The following CRACD variants were observed in gnomAD, a reference collection of about 807,000 sequenced individuals.
CRACD encodes the protein capping protein inhibiting regulator of actin dynamics.
CRACD carries 56 observed loss-of-function variants against 106.8 expected under a neutral mutation model. The observed-to-expected ratio is 0.52, with a 90% CI of 0.42 to 0.66. The LOEUF is 0.66. CRACD is among the 30% of genes least tolerant of loss of function. The pLI is 0.00. For synonymous variants in CRACD, 754 were observed against 670.8 expected (o/e 1.12, Z -1.92); for missense variants, 1,730 against 1,623.2 (o/e 1.07, Z -1.13).
intron 3 of CRACD, among the ~76,000 whole-genome samples, chr4:56,295,660 CATATATATATAT>C (rs57635563): frequency 0.023 from 2,552 of 108,770 alleles, 39 homozygotes; most frequent in East Asian, 0.068. Flanking sequence ...AATTAGTAAA[CATATATATATAT>C]ATATATATAT....
chr4:56,115,927 G>A (rs1003834889), intron 1 of CRACD, among the ~76,000 whole-genome samples: 2 of 152,158 alleles, frequency 1.3e-5, no homozygotes, highest in African/African-American at 4.8e-5. Context: ...GAATTCTGAG[G>A]TTACTGCTGA....
intron 1 of CRACD, among the ~76,000 whole-genome samples, chr4:56,109,570 A>G (rs1412287310): frequency 6.6e-6 from 1 of 152,196 alleles, no homozygotes; most frequent in East Asian, 1.9e-4. Flanking sequence ...TATTGTAACA[A>G]TGTTAATTTA....
At chr4:56,218,124 C>A (rs909085917) in intron 2 of CRACD, among the ~76,000 whole-genome samples, 5 of 152,112 alleles carry the variant, frequency 3.3e-5, no homozygotes, top group African/African-American at 1.2e-4. Flanking sequence ...ACCCTACTGA[C>A]CCCATTTTAA....
intron 2 of CRACD, among the ~76,000 whole-genome samples, chr4:56,234,289 T>A (rs769122395): frequency 6.6e-6 from 1 of 152,178 alleles, no homozygotes; most frequent in Non-Finnish European, 1.5e-5. Flanking sequence ...CACTGACCTG[T>A]TTTCTGTCCC....
chr4:56,180,904 G>A (rs1736794622), intron 2 of CRACD, among the ~76,000 whole-genome samples: 1 of 152,122 alleles, frequency 6.6e-6, no homozygotes, highest in African/African-American at 2.4e-5. Context: ...TTAGATGGTG[G>A]GAGTTTGAAG....
chr4:56,247,918 G>A (rs529279344), intron 2 of CRACD, among the ~76,000 whole-genome samples: 4 of 151,876 alleles, frequency 2.6e-5, no homozygotes, highest in Admixed American at 6.6e-5. Flanking sequence ...CATGGGATGC[G>A]TCATACTTAC....
intron 2 of CRACD, among the ~76,000 whole-genome samples, chr4:56,270,754 A>T (rs1275607640): frequency 1.3e-5 from 2 of 152,058 alleles, no homozygotes; most frequent in Admixed American, 1.3e-4. Context: ...ATATTTATAA[A>T]GTTCTTAGAG....
chr4:56,192,368 A>G (rs1002106314), intron 2 of CRACD, among the ~76,000 whole-genome samples: 2 of 151,638 alleles, frequency 1.3e-5, no homozygotes, highest in Non-Finnish European at 2.9e-5. Flanking sequence ...CTCCAGCCTG[A>G]GTGGCGACAG....
At chr4:56,188,736 G>A (rs866410274) in intron 2 of CRACD, among the ~76,000 whole-genome samples, 95 of 122,800 alleles carry the variant, frequency 7.7e-4, no homozygotes, top group African/African-American at 2.4e-3. Context: ...AGAGAGAGAG[G>A]GGTTAACATT....
chr4:56,235,392 C>A (rs374584437), intron 2 of CRACD, among the ~76,000 whole-genome samples: 2 of 152,224 alleles, frequency 1.3e-5, no homozygotes, highest in East Asian at 1.9e-4. Flanking sequence ...ATTTTTATTT[C>A]CTTGGGGAAA....
At chr4:56,088,102 A>G (rs1243014084) in intron 1 of CRACD, among the ~76,000 whole-genome samples, 2 of 150,358 alleles carry the variant, frequency 1.3e-5, no homozygotes, top group Non-Finnish European at 3.0e-5. Context: ...TGACTCTATG[A>G]TCAGGCTCCT....
At chr4:56,118,740 T>A (rs1384021827) in intron 1 of CRACD, among the ~76,000 whole-genome samples, 1 of 151,656 alleles carries the variant, frequency 6.6e-6, no homozygotes, top group Non-Finnish European at 1.5e-5. Flanking sequence ...CTAAAATATA[T>A]ATAAAATAAA....
intron 2 of CRACD, among the ~76,000 whole-genome samples, chr4:56,187,576 A>C (rs955676963): frequency 6.6e-5 from 10 of 152,118 alleles, no homozygotes; most frequent in Non-Finnish European, 1.5e-5. Context: ...AAAGCCAAAA[A>C]ATACCCCAAA....
chr4:56,109,977 A>G (rs1387157682), intron 1 of CRACD, among the ~76,000 whole-genome samples: 7 of 152,186 alleles, frequency 4.6e-5, no homozygotes, highest in Non-Finnish European at 7.3e-5. Context: ...TTTATATTGA[A>G]AAGGTCCATT....
At chr4:56,201,981 A>G (rs1737901551) in intron 2 of CRACD, among the ~76,000 whole-genome samples, 1 of 152,212 alleles carries the variant, frequency 6.6e-6, no homozygotes, top group Non-Finnish European at 1.5e-5. Flanking sequence ...AGCATTAGGA[A>G]AACTCGCTAA....
At chr4:56,225,699 A>C (rs1739265140) in intron 2 of CRACD, among the ~76,000 whole-genome samples, 1 of 152,208 alleles carries the variant, frequency 6.6e-6, no homozygotes. Flanking sequence ...AATATTTAGG[A>C]CTTCCCTTTT....
chr4:56,124,699 G>A (rs570277007), intron 1 of CRACD, among the ~76,000 whole-genome samples: 37 of 152,078 alleles, frequency 2.4e-4, no homozygotes, highest in African/African-American at 8.7e-4. Context: ...CATAAACATT[G>A]CCTCTCTTTT....
intron 2 of CRACD, among the ~76,000 whole-genome samples, chr4:56,223,974 G>T (rs1739174330): frequency 6.6e-6 from 1 of 151,984 alleles, no homozygotes; most frequent in South Asian, 2.1e-4. Flanking sequence ...GCCCAAGCTG[G>T]TCTTGGATTC....
At chr4:56,075,032 A>C (rs947800039) in intron 1 of CRACD, among the ~76,000 whole-genome samples, 3 of 152,340 alleles carry the variant, frequency 2.0e-5, no homozygotes, top group Admixed American at 2.0e-4. Context: ...CCCAGGGATG[A>C]AGCCGACTTG....
Sources: allele counts gnomAD v4.1 joint callset (sites outside exome capture counted in the v4.1 genomes callset), GRCh38; gene constraint gnomAD v4.1.1; transcripts MANE v1.5; gene names NCBI Gene and HGNC (gene_info 2026-07-23, HGNC 2026-07-21).